Variants in BMPER observed in about 807,000 individuals in gnomAD.
BMPER encodes the protein BMP binding endothelial regulator, also known as BMP-binding endothelial regulator protein.
A neutral mutation model predicts 87.3 loss-of-function variants in BMPER; 45 were observed. The ratio of observed to expected loss-of-function variants is 0.52; its 90% CI spans 0.41 to 0.66. The LOEUF is 0.66. Ranked by LOEUF, BMPER falls within the 30% of genes least tolerant of loss-of-function variation. BMPER has a pLI of 0.00. For missense variants in BMPER, 784 were observed against 867.5 expected, an observed-to-expected ratio of 0.90 and a Z score of 1.21; for synonymous variants, 326 against 316.2, an observed-to-expected ratio of 1.03 and a Z score of -0.33.
intron 11 of BMPER, among the ~76,000 whole-genome samples, chr7:34,068,436 A>G (rs1266522788): frequency 2.0e-5 from 3 of 152,228 alleles, no homozygotes; most frequent in South Asian, 2.1e-4. Flanking sequence ...GGAATTTCCA[A>G]TTAACAGTGT....
intron 6 of BMPER, among the ~76,000 whole-genome samples, chr7:34,031,927 T>TATATATATAC (rs767536977): frequency 1.4e-4 from 8 of 55,446 alleles, no homozygotes; most frequent in East Asian, 6.4e-4. Flanking sequence ...TATATATATA[T>TATATATATAC]ACACACACAC....
chr7:34,033,953 T>A (rs1787597040), intron 6 of BMPER, among the ~76,000 whole-genome samples: 8 of 152,216 alleles, frequency 5.3e-5, no homozygotes, highest in Admixed American at 5.2e-4. Context: ...ACTAAGAATG[T>A]TCAGGTAGAA....
At position 34,118,510 on chromosome 7, in the gene BMPER, A is replaced by G. The variant is rs114124342; in HGVS notation, c.1746-24720A>G. 5.4e-3 allele frequency among the ~76,000 whole-genome samples: 827 copies of G among 152,162 alleles called. 6 individuals carry two copies. The highest frequency in any genetic ancestry group is 0.017 in the East Asian group (87 of 5,156). Reference sequence around the variant, plus strand: ...GTCACTTGATCTGGGATTTATTGCCATGAGGGGGAAGCATTACCTTGGATG... The same window carrying G: ...GTCACTTGATCTGGGATTTATTGCCGTGAGGGGGAAGCATTACCTTGGATG... On this transcript the variant is annotated intron_variant, in intron 13 of 14. Coordinates refer to ENST00000649409, the MANE Select transcript of BMPER (RefSeq NM_001365308.1).
chr7:34,150,860 G>A (rs149809177), intron 14 of BMPER, among the ~76,000 whole-genome samples: 1 of 152,142 alleles, frequency 6.6e-6, no homozygotes, highest in South Asian at 2.1e-4. Flanking sequence ...TGTATGTAGC[G>A]AGAGAGAGAA....
intron 11 of BMPER, among the ~76,000 whole-genome samples, chr7:34,074,389 T>C (rs1298243711): frequency 6.6e-6 from 1 of 152,254 alleles, no homozygotes; most frequent in Non-Finnish European, 1.5e-5. Context: ...GGGGGGCTCC[T>C]GAATGGAGAA....
intron 13 of BMPER, among the ~76,000 whole-genome samples, chr7:34,111,981 G>T (rs183546151): frequency 6.6e-6 from 1 of 151,942 alleles, no homozygotes; most frequent in East Asian, 1.9e-4. Context: ...CAAAGTGCTG[G>T]AATTAAAAAA....
intron 13 of BMPER, among the ~76,000 whole-genome samples, chr7:34,124,741 A>G (rs1384902309): frequency 1.3e-5 from 2 of 151,944 alleles, no homozygotes; most frequent in East Asian, 3.8e-4. Flanking sequence ...TTTTGAATTT[A>G]CAGACATACC....
intron 13 of BMPER, among the ~76,000 whole-genome samples, chr7:34,121,269 G>A (rs1790258283): frequency 6.6e-6 from 1 of 152,124 alleles, no homozygotes; most frequent in African/African-American, 2.4e-5. Flanking sequence ...TGGCTACATA[G>A]GTATTTGTTG....
chr7:33,956,975 A>G (rs1305171624), intron 3 of BMPER, among the ~76,000 whole-genome samples: 1 of 152,140 alleles, frequency 6.6e-6, no homozygotes, highest in Non-Finnish European at 1.5e-5. Context: ...AATCTCTCAT[A>G]CATTGCTGGT....
At chr7:34,059,262 A>G (rs1170711884) in intron 10 of BMPER, among the ~76,000 whole-genome samples, 1 of 152,170 alleles carries the variant, frequency 6.6e-6, no homozygotes, top group Non-Finnish European at 1.5e-5. Context: ...TCTACAAGAC[A>G]AAAACAGGAT....
chr7:33,970,356 C>T lies in BMPER; in HGVS notation c.430C>T (p.Arg144Cys), dbSNP rs751549257. The part of the protein sequence containing the change: ...QEGVVTESGV[R>C]CVVHCKNPLE... ...GGGCGTTGTCACAGAGTCTGGGGTG[C>T]GCTGTGTTGTTCATTGTAAAAACCC... Residue 144 changes from arginine to cysteine, a missense_variant, in exon 5 of 15, where the codon CGC becomes TGC. Coordinates refer to ENST00000649409, the MANE Select transcript of BMPER (RefSeq NM_001365308.1). 60 of 1,613,938 alleles carry T rather than the reference C, an allele frequency of 3.7e-5. No individual in the cohort carries two copies. Among genetic ancestry groups the T allele is most frequent in the Middle Eastern group, 1.6e-4 (1 of 6,084 alleles).
chr7:34,055,562 G>A (rs548407961), intron 9 of BMPER, among the ~76,000 whole-genome samples: 1 of 152,258 alleles, frequency 6.6e-6, no homozygotes, highest in African/African-American at 2.4e-5. Flanking sequence ...AATATGTTAA[G>A]CCTGTAAAAC....
intron 5 of BMPER, among the ~76,000 whole-genome samples, chr7:33,972,124 T>C (rs921339392): frequency 2.6e-5 from 4 of 152,050 alleles, no homozygotes; most frequent in Admixed American, 2.0e-4. Context: ...AGGATGGTCT[T>C]GATCTCCTGA....
At chr7:34,044,817 G>T (rs1371876485) in intron 6 of BMPER, among the ~76,000 whole-genome samples, 1 of 152,132 alleles carries the variant, frequency 6.6e-6, no homozygotes, top group Non-Finnish European at 1.5e-5. Context: ...CATATAACAT[G>T]CCCTCCCCTT....
At position 33,966,549 on chromosome 7, in the gene BMPER, A is replaced by C. The variant is rs754813827; in HGVS notation, c.390A>C (p.Leu130=). The change falls in exon 4 of 15, where the codon CTA becomes CTC. Residue 130 remains leucine, a synonymous_variant. Coordinates refer to ENST00000649409, the MANE Select transcript of BMPER (RefSeq NM_001365308.1). ...AGAGCCCGGCTGAGCCTTGTGTTCT[A>C]CGCCAGTGCCAGGTAAAGTTCAATT... ...KWQSPAEPCV[L]RQCQEGVVTE... 14 of 1,613,608 alleles carry C rather than the reference A, an allele frequency of 8.7e-6. No homozygotes were observed. Among genetic ancestry groups the C allele is most frequent in the Middle Eastern group, 1.6e-4 (1 of 6,082 alleles).
intron 6 of BMPER, among the ~76,000 whole-genome samples, chr7:33,999,306 C>T (rs2127933806): frequency 6.6e-6 from 1 of 152,294 alleles, no homozygotes; most frequent in East Asian, 1.9e-4. Context: ...TCAAGAAGAT[C>T]TTGCAGCTAG....
chr7:34,149,497 T>C (rs998121665), intron 14 of BMPER, among the ~76,000 whole-genome samples: 2 of 152,068 alleles, frequency 1.3e-5, no homozygotes, highest in African/African-American at 4.8e-5. Context: ...TGGTAATAGA[T>C]TTCAGAGGTC....
intron 13 of BMPER, among the ~76,000 whole-genome samples, chr7:34,122,644 T>G (rs554144513): frequency 6.6e-6 from 1 of 152,354 alleles, no homozygotes; most frequent in Admixed American, 6.5e-5. Context: ...TCTTGCAGCC[T>G]TGTTATCTGC....
intron 5 of BMPER, 67 bp downstream of exon 5, chr7:33,970,486 A>T: frequency 1.3e-6 from 2 of 1,508,554 alleles, no homozygotes; most frequent in South Asian, 2.2e-5. Flanking sequence ...TGAATCTCCC[A>T]ACCCCTCTTG....
Sources: gnomAD v4.1 joint callset for allele counts (sites outside exome capture counted in the v4.1 genomes callset) on GRCh38, gnomAD v4.1.1 for gene constraint, MANE v1.5 for transcripts, NCBI Gene and HGNC (gene_info 2026-07-23, HGNC 2026-07-21) for gene names.